NPAS3: variants seen among roughly 807,000 people sequenced by gnomAD.
NPAS3 encodes the protein neuronal PAS domain protein 3.
Under a neutral mutation model 73.1 loss-of-function variants are expected in NPAS3, and 14 were observed. That is an observed-to-expected ratio of 0.19 (90% CI 0.13 to 0.30). The LOEUF (loss-of-function observed/expected upper bound fraction) is 0.30, where lower values mean the gene tolerates loss of function less well. NPAS3 is among the 10% of genes least tolerant of loss of function. The pLI is 1.00. For synonymous variants in NPAS3, 620 were observed against 541.5 expected, an observed-to-expected ratio of 1.14 and a Z score of -2.01; for missense variants, 1,096 against 1,250.0, an observed-to-expected ratio of 0.88 and a Z score of 1.86.
chr14:33,700,435 T>G (rs1382949721), intron 6 of NPAS3, among the ~76,000 whole-genome samples: 1 of 152,202 alleles, frequency 6.6e-6, no homozygotes, highest in Non-Finnish European at 1.5e-5. Context: ...TGTCAGTTAT[T>G]AAACAAGTGA....
chr14:33,284,752 A>G (rs546846513), intron 3 of NPAS3, among the ~76,000 whole-genome samples: 1 of 135,612 alleles, frequency 7.4e-6, no homozygotes, highest in Non-Finnish European at 1.6e-5. Context: ...TCATATCTAT[A>G]TATCTATATC....
chr14:33,460,145 C>A (rs936089765), intron 4 of NPAS3, among the ~76,000 whole-genome samples: 5 of 152,146 alleles, frequency 3.3e-5, no homozygotes, highest in African/African-American at 1.2e-4. Flanking sequence ...TATGGGCATA[C>A]TGTTTTTTAT....
intron 4 of NPAS3, among the ~76,000 whole-genome samples, chr14:33,499,503 C>T (rs1002460282): frequency 1.3e-5 from 2 of 151,916 alleles, no homozygotes; most frequent in Admixed American, 6.6e-5. Context: ...ATACTTTCTT[C>T]AGCCAACTGA....
At chr14:33,586,019 C>A (rs187458987) in intron 5 of NPAS3, 1 of 151,920 alleles carries the variant, frequency 6.6e-6, no homozygotes, top group African/African-American at 2.4e-5. Context: ...TCTCCTGCTG[C>A]CATTTAGAAT....
chr14:33,346,350 G>A (rs960511828), intron 3 of NPAS3, among the ~76,000 whole-genome samples: 3 of 151,726 alleles, frequency 2.0e-5, no homozygotes, highest in Non-Finnish European at 4.4e-5. Context: ...CAACAGAGTG[G>A]GACCCTGGTC....
intron 1 of NPAS3, among the ~76,000 whole-genome samples, chr14:32,970,619 T>C (rs550587824): frequency 6.6e-6 from 1 of 152,288 alleles, no homozygotes; most frequent in East Asian, 1.9e-4. Flanking sequence ...GAGGCTAGAA[T>C]TCTGAGATCA....
chr14:33,095,883 A>C (rs2042402907), intron 2 of NPAS3, among the ~76,000 whole-genome samples: 1 of 151,484 alleles, frequency 6.6e-6, no homozygotes. Flanking sequence ...CGTGTTTGCC[A>C]GGATGGTCTC....
chr14:33,274,339 A>G (rs1420885027), intron 3 of NPAS3, among the ~76,000 whole-genome samples: 1 of 152,196 alleles, frequency 6.6e-6, no homozygotes, highest in Non-Finnish European at 1.5e-5. Context: ...ATTGAATTTA[A>G]CACCAGACAT....
At chr14:32,960,013 TTAATTGTTG>T (rs2036843052) in intron 1 of NPAS3, among the ~76,000 whole-genome samples, 1 of 150,342 alleles carries the variant, frequency 6.7e-6, no homozygotes, top group African/African-American at 2.5e-5. Flanking sequence ...TAATGAGTAC[TTAATTGTTG>T]AATTAGGCAG....
chr14:33,383,163 A>C (rs1332413192), intron 4 of NPAS3, among the ~76,000 whole-genome samples: 2 of 151,744 alleles, frequency 1.3e-5, no homozygotes, highest in Non-Finnish European at 2.9e-5. Context: ...TTTTGTGAAA[A>C]AATTTCAAAA....
chr14:33,512,780 G>A (rs1049668802), intron 4 of NPAS3, among the ~76,000 whole-genome samples: 1 of 152,004 alleles, frequency 6.6e-6, no homozygotes, highest in Non-Finnish European at 1.5e-5. Flanking sequence ...AACTCTCTAT[G>A]TAGATATAAA....
At chr14:33,534,716 T>C (rs140881888) in intron 4 of NPAS3, among the ~76,000 whole-genome samples, 1 of 152,274 alleles carries the variant, frequency 6.6e-6, no homozygotes, top group African/African-American at 2.4e-5. Flanking sequence ...TATTTCTCTC[T>C]GAAAATAAAT....
At chr14:33,642,207 T>G (rs2140187157) in intron 5 of NPAS3, among the ~76,000 whole-genome samples, 1 of 152,248 alleles carries the variant, frequency 6.6e-6, no homozygotes, top group East Asian at 1.9e-4. Flanking sequence ...ACATCATCCT[T>G]TTGCTTAGAG....
At chr14:33,740,600 T>G (rs1419202594) in intron 7 of NPAS3, among the ~76,000 whole-genome samples, 1 of 152,252 alleles carries the variant, frequency 6.6e-6, no homozygotes, top group Non-Finnish European at 1.5e-5. Context: ...CCCAAACGAT[T>G]GTACCGTGAT....
intron 5 of NPAS3, among the ~76,000 whole-genome samples, chr14:33,604,258 G>A (rs1009644451): frequency 6.6e-6 from 1 of 151,786 alleles, no homozygotes; most frequent in Non-Finnish European, 1.5e-5. Context: ...CCCAATATGT[G>A]GCCTACAAGA....
chr14:33,014,034 G>C (rs1004390686), intron 1 of NPAS3, among the ~76,000 whole-genome samples: 1 of 152,096 alleles, frequency 6.6e-6, no homozygotes, highest in Non-Finnish European at 1.5e-5. Context: ...AAATAATTTA[G>C]TCTAAAACAT....
At chr14:33,463,237 T>C (rs916262137) in intron 4 of NPAS3, among the ~76,000 whole-genome samples, 2 of 152,172 alleles carry the variant, frequency 1.3e-5, no homozygotes, top group African/African-American at 4.8e-5. Flanking sequence ...AACAAATCTG[T>C]AGTAATCCTT....
intron 5 of NPAS3, among the ~76,000 whole-genome samples, chr14:33,641,447 C>T (rs2058672645): frequency 6.6e-6 from 1 of 152,224 alleles, no homozygotes; most frequent in Non-Finnish European, 1.5e-5. Context: ...GCCTACCTAA[C>T]AAACTTCAAA....
intron 7 of NPAS3, among the ~76,000 whole-genome samples, chr14:33,770,664 C>A (rs1305880003): frequency 6.6e-6 from 1 of 152,128 alleles, no homozygotes; most frequent in Non-Finnish European, 1.5e-5. Context: ...CTTTGGGAGG[C>A]CGAGGTGGGC....
Sources: allele counts gnomAD v4.1 joint callset (sites outside exome capture counted in the v4.1 genomes callset), GRCh38; gene constraint gnomAD v4.1.1; transcripts MANE v1.5; gene names NCBI Gene and HGNC (gene_info 2026-07-23, HGNC 2026-07-21).